The following SLC2A9 variants were observed in gnomAD, a reference collection of about 807,000 sequenced individuals.
SLC2A9 encodes solute carrier family 2, facilitated glucose transporter member 9.
A neutral mutation model predicts 50.6 loss-of-function variants in SLC2A9; 39 were observed. That is an observed-to-expected ratio of 0.77 (90% CI 0.60 to 1.01). SLC2A9 has a LOEUF of 1.01. Among genes scored for constraint, SLC2A9 ranks in the 50% least tolerant of loss-of-function variants. The pLI is 0.00. For synonymous variants in SLC2A9, 324 were observed against 276.9 expected, an observed-to-expected ratio of 1.17 and a Z score of -1.69; for missense variants, 686 against 677.6, an observed-to-expected ratio of 1.01 and a Z score of -0.14.
intron 1 of SLC2A9, 154 bp from the exon 2 acceptor site, chr4:10,019,227 G>A: frequency 1.5e-6 from 1 of 668,012 alleles, no homozygotes; most frequent in Non-Finnish European, 2.6e-6. Flanking sequence ...ACGCAAGTTG[G>A]GGACCTGCAA....
chr4:9,945,924 G>A (rs1122142), intron 5 of SLC2A9, among the ~76,000 whole-genome samples: 2 of 152,034 alleles, frequency 1.3e-5, no homozygotes, highest in South Asian at 4.1e-4. Context: ...CACAAACAGC[G>A]CTTGCCATTT....
intron 10 of SLC2A9, among the ~76,000 whole-genome samples, chr4:9,877,774 C>T (rs1734534247): frequency 6.6e-6 from 1 of 152,176 alleles, no homozygotes; most frequent in African/African-American, 2.4e-5. Context: ...GGCTTTGACT[C>T]TTTATGTTAT....
intron 3 of SLC2A9, among the ~76,000 whole-genome samples, chr4:9,784,350 C>A (rs1018183511): frequency 6.6e-6 from 1 of 152,076 alleles, no homozygotes; most frequent in South Asian, 2.1e-4. Flanking sequence ...TAGACAGATG[C>A]GATCAGTTCA....
chr4:9,959,472 T>A (rs1205637187), intron 5 of SLC2A9, among the ~76,000 whole-genome samples: 1 of 151,786 alleles, frequency 6.6e-6, no homozygotes, highest in African/African-American at 2.4e-5. Context: ...GGATAATATC[T>A]AAAGAAAATG....
chr4:9,802,976 T>C (rs979584313), intron 3 of SLC2A9, among the ~76,000 whole-genome samples: 6 of 152,234 alleles, frequency 3.9e-5, no homozygotes, highest in African/African-American at 1.4e-4. Flanking sequence ...TTGTAGATGC[T>C]GGACTGCAGG....
intron 11 of SLC2A9, among the ~76,000 whole-genome samples, chr4:9,833,166 CTTG>C (rs1350302358): frequency 2.6e-5 from 4 of 152,150 alleles, no homozygotes; most frequent in Non-Finnish European, 5.9e-5. Context: ...TGAAAAGATA[CTTG>C]TTATGTTCTG....
intron 10 of SLC2A9, among the ~76,000 whole-genome samples, chr4:9,869,143 CAG>C (rs1225965102): frequency 6.6e-6 from 1 of 152,218 alleles, no homozygotes; most frequent in Non-Finnish European, 1.5e-5. Flanking sequence ...ATCCGTAAGA[CAG>C]AGACAGTATA....
rs182006215 is a variant in SLC2A9 at position 9,806,395 on chromosome 4, T to C, written n.421-7154A>G. Among the ~76,000 whole-genome samples the C allele has an allele frequency of 7.2e-5, 11 of 152,370 alleles. No individual in the cohort carries two copies. The East Asian group carries it at 2.1e-3, about 29-fold the overall frequency. ...GCCAGCGCCATCCCTTTGTTTCCCA[T>C]AAGGAATACTTTTTATTAATCTACA... On this transcript the variant is annotated intron_variant and non_coding_transcript_variant, in intron 3 of 3. Transcript: ENST00000503280.
At chr4:9,958,116 G>C (rs971169770) in intron 5 of SLC2A9, among the ~76,000 whole-genome samples, 1 of 152,186 alleles carries the variant, frequency 6.6e-6, no homozygotes, top group African/African-American at 2.4e-5. Flanking sequence ...GGACACTGAA[G>C]CAATGCCTTC....
chr4:9,879,429 C>T (rs1464894601), intron 10 of SLC2A9: 1 of 984,952 alleles, frequency 1.0e-6, no homozygotes, highest in Non-Finnish European at 1.2e-6. Context: ...GGGGCAGCTG[C>T]CTGTGGCTCC....
At chr4:10,013,336 G>A (rs1400754782) in intron 2 of SLC2A9, among the ~76,000 whole-genome samples, 1 of 152,162 alleles carries the variant, frequency 6.6e-6, no homozygotes, top group Admixed American at 6.5e-5. Flanking sequence ...GTGGATGCAC[G>A]AGGTGCAGGT....
chr4:10,018,546 T>TAATA (rs1762999793), intron 2 of SLC2A9, among the ~76,000 whole-genome samples: 1 of 145,332 alleles, frequency 6.9e-6, no homozygotes, highest in Non-Finnish European at 1.5e-5. Context: ...ATCTCAAAGA[T>TAATA]GATAGATAGA....
chr4:9,920,164 G>A (rs1577893757), intron 7 of SLC2A9, among the ~76,000 whole-genome samples: 1 of 152,216 alleles, frequency 6.6e-6, no homozygotes, highest in South Asian at 2.1e-4. Context: ...CAGCTGAACT[G>A]AACACTTTGC....
intron 3 of SLC2A9, among the ~76,000 whole-genome samples, chr4:9,800,490 C>T (rs113675000): frequency 5.3e-5 from 8 of 152,212 alleles, no homozygotes; most frequent in Middle Eastern, 3.4e-3. Context: ...ATAAGCCAAG[C>T]GGGGAGCTCT....
At position 9,960,632 on chromosome 4, in the gene SLC2A9, C is replaced by A. The variant is rs537775269; in HGVS notation, c.682-18587G>T. 7.9e-5 allele frequency among the ~76,000 whole-genome samples: 12 copies of A among 152,320 alleles called. No homozygotes were observed. In the East Asian group the frequency reaches 2.3e-3, roughly 29 times the overall value. ...GAGCCAAAGCTCACGTGGCATTCAG[C>A]ATCTCTTCTCATTTCCATTTTCAGA... On this transcript the variant is annotated intron_variant, in intron 5 of 11. Coordinates refer to ENST00000264784, the MANE Select transcript of SLC2A9 (RefSeq NM_020041.3).
At chr4:9,800,786 T>C (rs1429093621) in intron 3 of SLC2A9, among the ~76,000 whole-genome samples, 1 of 152,196 alleles carries the variant, frequency 6.6e-6, no homozygotes, top group Non-Finnish European at 1.5e-5. Context: ...TTAAAGTAGA[T>C]GGGAGGATGT....
In SLC2A9 at chr4:9,966,887, T is replaced by C. The variant is rs140745332; in HGVS notation, c.681+13705A>G. On this transcript the variant is annotated intron_variant, in intron 5 of 11. Transcript: ENST00000264784. ...CTTTTGCACACATTAAAATCATACA[T>C]AGAAATGAATTTTCTGCTTCTGGCC... Among the ~76,000 whole-genome samples, 343 of 152,344 alleles carry C rather than the reference T, an allele frequency of 2.3e-3. 1 individual carries two copies. Among genetic ancestry groups the C allele is most frequent in the African/African-American group, 7.8e-3 (323 of 41,574 alleles).
At chr4:9,811,104 C>A (rs893867171) in intron 3 of SLC2A9, among the ~76,000 whole-genome samples, 1 of 151,998 alleles carries the variant, frequency 6.6e-6, no homozygotes, top group Non-Finnish European at 1.5e-5. Context: ...ACCAAGCTGG[C>A]CAATCAGAGG....
At chr4:10,019,134 G>A (rs1445789636) in intron 1 of SLC2A9, 61 bp from the exon 2 acceptor site, 7 of 1,338,332 alleles carry the variant, frequency 5.2e-6, no homozygotes, top group Non-Finnish European at 6.3e-6. Context: ...GCCGAGGGAA[G>A]ACCTGGAACG....
Sources: allele counts gnomAD v4.1 joint callset (sites outside exome capture counted in the v4.1 genomes callset), GRCh38; gene constraint gnomAD v4.1.1; transcripts MANE v1.5; gene names NCBI Gene and HGNC (gene_info 2026-07-23, HGNC 2026-07-21).